The following PRRX1 variants were observed in gnomAD, a reference collection of about 807,000 sequenced individuals.
The protein encoded by PRRX1 is paired related homeobox 1.
PRRX1 carries 8 observed loss-of-function variants against 24.0 expected under a neutral mutation model. That is an observed-to-expected ratio of 0.33 (90% CI 0.20 to 0.60). PRRX1 has a LOEUF of 0.60. Ranked by LOEUF, PRRX1 falls within the 20% of genes least tolerant of loss-of-function variation. The pLI is 0.82. For synonymous variants in PRRX1, 160 were observed against 131.7 expected, an observed-to-expected ratio of 1.22 and a Z score of -1.47; for missense variants, 281 against 322.4, an observed-to-expected ratio of 0.87 and a Z score of 0.98.
intron 1 of PRRX1, among the ~76,000 whole-genome samples, chr1:170,679,624 C>A (rs1199940411): frequency 1.3e-5 from 2 of 152,134 alleles, no homozygotes; most frequent in African/African-American, 4.8e-5. Context: ...TGGTCTCGAT[C>A]TCCTGACCTT....
At chr1:170,702,492 C>T (rs1399118440) in intron 1 of PRRX1, among the ~76,000 whole-genome samples, 2 of 152,136 alleles carry the variant, frequency 1.3e-5, no homozygotes, top group Non-Finnish European at 2.9e-5. Context: ...CAGTGCTGTA[C>T]AATGGGTGTG....
intron 1 of PRRX1, 126 bp from the exon 2 acceptor site, chr1:170,719,600 C>G: frequency 1.9e-6 from 2 of 1,076,432 alleles, no homozygotes; most frequent in Non-Finnish European, 2.7e-6. Flanking sequence ...TGGCATTTGG[C>G]TATAGGACTT....
chr1:170,692,618 G>A (rs376853096), intron 1 of PRRX1, among the ~76,000 whole-genome samples: 3 of 144,618 alleles, frequency 2.1e-5, no homozygotes, highest in East Asian at 2.1e-4. Context: ...AAGATAGGAA[G>A]TAATCATCTA....
At chr1:170,684,084 G>A in intron 1 of PRRX1, among the ~76,000 whole-genome samples, 1 of 152,178 alleles carries the variant, frequency 6.6e-6, no homozygotes, top group Non-Finnish European at 1.5e-5. Flanking sequence ...ATCTAAAATT[G>A]TGCCTCACAT....
chr1:170,711,848 G>A (rs1225800028), intron 1 of PRRX1, among the ~76,000 whole-genome samples: 1 of 152,168 alleles, frequency 6.6e-6, no homozygotes, highest in Non-Finnish European at 1.5e-5. Context: ...TGCAAGTTTA[G>A]AAAGCTTCTA....
At chr1:170,679,423 G>A (rs575713714) in intron 1 of PRRX1, among the ~76,000 whole-genome samples, 7 of 152,074 alleles carry the variant, frequency 4.6e-5, no homozygotes, top group Non-Finnish European at 1.0e-4. Context: ...TATTTGAGAC[G>A]GAGTCTGGCT....
chr1:170,664,242 T>C lies in PRRX1; in HGVS notation c.24T>C (p.Val8=). Residue 8 remains valine (V), a synonymous_variant, in exon 1 of 4, where the codon GTT becomes GTC. Coordinates refer to ENST00000239461, the MANE Select transcript of PRRX1 (RefSeq NM_022716.4). ...CCATGACCTCCAGCTACGGGCACGT[T>C]CTGGAGCGGCAACCGGCGCTGGGCG... MTSSYGH[V]LERQPALGGR... is the part of the protein sequence containing the mutation. 1.2e-6 allele frequency: 2 copies of C among 1,611,968 alleles called. No individual in the cohort carries two copies. The highest frequency in any genetic ancestry group is 1.7e-6 in the Non-Finnish European group (2 of 1,179,420).
intron 1 of PRRX1, among the ~76,000 whole-genome samples, chr1:170,716,092 C>T (rs189095222): frequency 5.9e-5 from 9 of 152,222 alleles, no homozygotes; most frequent in Admixed American, 2.6e-4. Context: ...TGGTTGAATT[C>T]GACAATTTCA....
At chr1:170,724,990 C>G (rs1292725868) in intron 2 of PRRX1, among the ~76,000 whole-genome samples, 1 of 152,114 alleles carries the variant, frequency 6.6e-6, no homozygotes, top group African/African-American at 2.4e-5. Context: ...TGAAGAGGTG[C>G]TTTACTTCTC....
chr1:170,664,084 C>CCTCCCTCTCTCT, upstream of PRRX1: 2 of 710,836 alleles, frequency 2.8e-6, no homozygotes, highest in Admixed American at 4.5e-5. Context: ...CCTCCCTCTT[C>CCTCCCTCTCTCT]CTCCCTCTCT....
intron 1 of PRRX1, among the ~76,000 whole-genome samples, chr1:170,688,688 G>A (rs938908290): frequency 6.6e-6 from 1 of 151,960 alleles, no homozygotes; most frequent in African/African-American, 2.4e-5. Flanking sequence ...TAAAATAAAT[G>A]GGCATATTTA....
At chr1:170,715,792 A>G (rs988527785) in intron 1 of PRRX1, among the ~76,000 whole-genome samples, 3 of 152,244 alleles carry the variant, frequency 2.0e-5, no homozygotes, top group African/African-American at 4.8e-5. Flanking sequence ...TAGAAAGGAC[A>G]ACATGTGATA....
At chr1:170,710,906 C>T (rs1396018821) in intron 1 of PRRX1, among the ~76,000 whole-genome samples, 1 of 152,156 alleles carries the variant, frequency 6.6e-6, no homozygotes, top group Non-Finnish European at 1.5e-5. Context: ...CTAAACTACC[C>T]AGTCTATAGT....
At chr1:170,672,125 AT>A (rs1558043343) in intron 1 of PRRX1, among the ~76,000 whole-genome samples, 1 of 152,122 alleles carries the variant, frequency 6.6e-6, no homozygotes, top group African/African-American at 2.4e-5. Flanking sequence ...ACCTAAAGCC[AT>A]TTCCAATCTG....
intron 1 of PRRX1, among the ~76,000 whole-genome samples, chr1:170,680,020 G>A (rs754113038): frequency 2.0e-5 from 3 of 152,004 alleles, no homozygotes; most frequent in African/African-American, 4.8e-5. Context: ...GGTTGTGTAC[G>A]AAATTTCAAC....
intron 1 of PRRX1, among the ~76,000 whole-genome samples, chr1:170,690,870 T>A (rs1333822684): frequency 1.3e-5 from 2 of 152,118 alleles, no homozygotes; most frequent in African/African-American, 4.8e-5. Context: ...GAACAGCAAG[T>A]TAGCTCGATG....
At position 170,664,251 on chromosome 1, in the gene PRRX1, G is replaced by A. The variant is rs747563259; in HGVS notation, c.33G>A (p.Arg11=). 1 of 1,612,136 alleles carries A rather than the reference G, an allele frequency of 6.2e-7. No homozygotes were observed. The part of the protein sequence containing the change: MTSSYGHVLE[R]QPALGGRLDS... Reference sequence around the variant, plus strand: ...CCAGCTACGGGCACGTTCTGGAGCGGCAACCGGCGCTGGGCGGCCGCTTGG... The same window carrying A: ...CCAGCTACGGGCACGTTCTGGAGCGACAACCGGCGCTGGGCGGCCGCTTGG... Residue 11 remains arginine, a synonymous_variant, in exon 1 of 4, where the codon CGG becomes CGA. Coordinates refer to ENST00000239461, the MANE Select transcript of PRRX1 (RefSeq NM_022716.4).
At chr1:170,728,475 C>T (rs1655326018) in intron 3 of PRRX1, 1 of 152,028 alleles carries the variant, frequency 6.6e-6, no homozygotes, top group African/African-American at 2.4e-5. Flanking sequence ...ATAGATGTAG[C>T]TTTAGTGTAT....
intron 1 of PRRX1, among the ~76,000 whole-genome samples, chr1:170,666,845 GC>G (rs1294218046): frequency 6.6e-6 from 1 of 152,094 alleles, no homozygotes; most frequent in Non-Finnish European, 1.5e-5. Flanking sequence ...TGGGTATGGA[GC>G]CGGGCTGGCC....
Sources: allele counts gnomAD v4.1 joint callset (sites outside exome capture counted in the v4.1 genomes callset), GRCh38; gene constraint gnomAD v4.1.1; transcripts MANE v1.5; gene names NCBI Gene and HGNC (gene_info 2026-07-23, HGNC 2026-07-21).